TIMM9: variants seen among roughly 807,000 people sequenced by gnomAD.
TIMM9 encodes mitochondrial import inner membrane translocase subunit Tim9.
In TIMM9, 10 loss-of-function variants were observed where a neutral mutation model predicts 13.4. The ratio of observed to expected loss-of-function variants is 0.75; its 90% CI spans 0.46 to 1.26. TIMM9 has a LOEUF of 1.26. Among genes scored for constraint, TIMM9 ranks in the 50% most tolerant of loss-of-function variants. The probability of loss-of-function intolerance (pLI) is 0.00; values close to 1 mark genes in which losing one functional copy is unlikely to be tolerated. For synonymous variants in TIMM9, 32 were observed against 32.1 expected (o/e 1.00, Z 0.01); for missense variants, 87 against 100.8 (o/e 0.86, Z 0.58).
rs1424920767 is a variant in TIMM9, at chr14:58,408,933, T to C, written c.*101A>G. 2 of 1,491,574 alleles carry C rather than the reference T, an allele frequency of 1.3e-6. No individual in the cohort carries two copies. The highest frequency in any genetic ancestry group is 4.7e-5 in the Admixed American group (2 of 42,278). 92.4% of individuals were successfully genotyped at this position (1,491,574 alleles called of 1,614,324 possible). Reference sequence around the variant, plus strand: ...AACAGTCATGACAGATGGTTGAACATGGTGGCTACTGCTTTCAGGGGATTC... The same window carrying C: ...AACAGTCATGACAGATGGTTGAACACGGTGGCTACTGCTTTCAGGGGATTC... On this transcript the variant is annotated 3_prime_UTR_variant, in exon 6 of 6. Coordinates refer to ENST00000395159, the MANE Select transcript of TIMM9 (RefSeq NM_012460.4).
At chr14:58,419,734 G>A (rs902569876) in intron 3 of TIMM9, among the ~76,000 whole-genome samples, 1 of 151,430 alleles carries the variant, frequency 6.6e-6, no homozygotes, top group African/African-American at 2.4e-5. Context: ...GACAAACCCC[G>A]TCTTTACCAA....
intron 3 of TIMM9, among the ~76,000 whole-genome samples, chr14:58,422,413 G>C (rs1404000116): frequency 1.3e-5 from 2 of 152,190 alleles, no homozygotes; most frequent in Admixed American, 1.3e-4. Flanking sequence ...ACTGTGCCCA[G>C]TCGAAAGTAT....
chr14:58,408,722 T>C lies in TIMM9; in HGVS notation c.*312A>G, dbSNP rs1346467923. On this transcript the variant is annotated 3_prime_UTR_variant, in exon 6 of 6. Coordinates refer to ENST00000395159, the MANE Select transcript of TIMM9 (RefSeq NM_012460.4). ...CTCATACATGATCGAACACATAAGT[T>C]GCTTTAAAATTAACAGTCACAATTG... 1.2e-6 allele frequency: 1 copy of C among 819,868 alleles called. No individual in the cohort carries two copies. Among genetic ancestry groups the C allele is most frequent in the Non-Finnish European group, 1.9e-6 (1 of 537,998 alleles). The allele number at this position is 819,868 out of a possible 1,614,324, so 50.8% of individuals were successfully genotyped here.
chr14:58,415,938 G>A (rs2036391886), intron 3 of TIMM9, among the ~76,000 whole-genome samples: 1 of 152,034 alleles, frequency 6.6e-6, no homozygotes, highest in African/African-American at 2.4e-5. Context: ...AGACAAGGCT[G>A]AGCGCAGTGC....
intron 3 of TIMM9, among the ~76,000 whole-genome samples, chr14:58,413,037 C>G (rs754801351): frequency 6.6e-6 from 1 of 152,214 alleles, no homozygotes; most frequent in Non-Finnish European, 1.5e-5. Flanking sequence ...TATACTCAGT[C>G]GAATACATCA....
At chr14:58,417,585 G>A (rs1315601624) in intron 3 of TIMM9, among the ~76,000 whole-genome samples, 1 of 136,032 alleles carries the variant, frequency 7.4e-6, no homozygotes, top group African/African-American at 2.7e-5. Flanking sequence ...GGGAGGGAAA[G>A]GAGCGTGGGA....
At position 58,409,125 on chromosome 14, in the gene TIMM9, G is replaced by A. The variant is rs771528260; in HGVS notation, c.179C>T (p.Thr60Ile). 1.2e-6 allele frequency: 2 copies of A among 1,613,500 alleles called. No homozygotes were observed. Among genetic ancestry groups the A allele is most frequent in the Non-Finnish European group, 8.5e-7 (1 of 1,179,772 alleles). ...EHCLQKYLKM[T>I]QRISMRFQEY... The stretch of plus-strand genomic sequence containing the variant: ...CTGAAATCTCATGGATATTCTTTGT[G>A]TCATTTTTAAATATTTCTGTAAGCA... The change falls in exon 6 of 6, where the codon ACA becomes ATA. Residue 60 changes from threonine to isoleucine, a missense_variant. Transcript: ENST00000395159.
chr14:58,408,872 T>C lies in TIMM9; in HGVS notation c.*162A>G, dbSNP rs762189983. The C allele has an allele frequency of 2.0e-5, 20 of 987,430 alleles. No individual in the cohort carries two copies. The highest frequency in any genetic ancestry group is 2.6e-5 in the Non-Finnish European group (18 of 689,602). 61.2% of individuals were successfully genotyped at this position (987,430 alleles called of 1,614,324 possible). ...TTCTATTGTGATTATTCCTGGTAAA[T>C]AGCAATTTTGTTTCTCCAGCGGTTT... On this transcript the variant is annotated 3_prime_UTR_variant, in exon 6 of 6. Transcript: ENST00000395159.
chr14:58,420,137 T>C (rs753812513), intron 3 of TIMM9, among the ~76,000 whole-genome samples: 2 of 152,116 alleles, frequency 1.3e-5, no homozygotes, highest in Non-Finnish European at 2.9e-5. Context: ...GCTTTAGGGC[T>C]AGGCAAAGAG....
At chr14:58,412,175 A>T in intron 3 of TIMM9, 1 of 427,238 alleles carries the variant, frequency 2.3e-6, no homozygotes, top group Non-Finnish European at 4.3e-6. Context: ...ACGGAGTCTC[A>T]CTCTGTCACC....
chr14:58,417,324 GAGAAA>G (rs543851226), intron 3 of TIMM9, among the ~76,000 whole-genome samples: 326 of 151,664 alleles, frequency 2.1e-3, no homozygotes, highest in African/African-American at 2.9e-3. Flanking sequence ...AAAAGAAAGA[GAGAAA>G]AGAAAAGAAA....
At chr14:58,410,241 T>G (rs1428581363) in intron 5 of TIMM9, among the ~76,000 whole-genome samples, 1 of 151,968 alleles carries the variant, frequency 6.6e-6, no homozygotes, top group Non-Finnish European at 1.5e-5. Flanking sequence ...TAGCTAATTT[T>G]TTTTTGTATT....
chr14:58,421,424 T>A (rs2036585474), intron 3 of TIMM9, among the ~76,000 whole-genome samples: 1 of 152,204 alleles, frequency 6.6e-6, no homozygotes. Context: ...TTCTGTATCT[T>A]GATTGTATCA....
At chr14:58,419,420 G>A (rs570685350) in intron 3 of TIMM9, among the ~76,000 whole-genome samples, 9 of 145,968 alleles carry the variant, frequency 6.2e-5, no homozygotes, top group Non-Finnish European at 1.4e-4. Flanking sequence ...GCGCCACTAC[G>A]CTCCAGTCTG....
chr14:58,413,953 G>C (rs2036303807), intron 3 of TIMM9, among the ~76,000 whole-genome samples: 1 of 132,834 alleles, frequency 7.5e-6, no homozygotes, highest in Non-Finnish European at 1.5e-5. Flanking sequence ...CTTGCAGTGA[G>C]CCGAGATTGC....
At chr14:58,417,688 A>T (rs1487831876) in intron 3 of TIMM9, among the ~76,000 whole-genome samples, 3 of 151,724 alleles carry the variant, frequency 2.0e-5, no homozygotes. Context: ...GAAGGTCTTA[A>T]ATCAGTAATC....
At chr14:58,420,462 T>C (rs976068409) in intron 3 of TIMM9, among the ~76,000 whole-genome samples, 6 of 152,082 alleles carry the variant, frequency 3.9e-5, no homozygotes, top group Admixed American at 6.6e-5. Flanking sequence ...TGAAAAGATG[T>C]TCAACATCAT....
At chr14:58,418,461 A>G (rs2036484189) in intron 3 of TIMM9, among the ~76,000 whole-genome samples, 1 of 152,208 alleles carries the variant, frequency 6.6e-6, no homozygotes. Flanking sequence ...TACCCAGTGC[A>G]GTGAAGCAAG....
At chr14:58,419,506 A>ACACACACAC (rs2036526619) in intron 3 of TIMM9, among the ~76,000 whole-genome samples, 2 of 69,030 alleles carry the variant, frequency 2.9e-5, no homozygotes, top group African/African-American at 5.7e-5. Flanking sequence ...CACACACACA[A>ACACACACAC]ACACATACAC....
Sources: allele counts gnomAD v4.1 joint callset (sites outside exome capture counted in the v4.1 genomes callset), GRCh38; gene constraint gnomAD v4.1.1; transcripts MANE v1.5; gene names NCBI Gene and HGNC (gene_info 2026-07-23, HGNC 2026-07-21).